TRPM3: variants seen among roughly 807,000 people sequenced by gnomAD.
TRPM3 encodes long transient receptor potential channel 3.
TRPM3 carries 77 observed loss-of-function variants against 181.2 expected under a neutral mutation model. That is an observed-to-expected ratio of 0.42 (90% CI 0.35 to 0.51). The LOEUF (loss-of-function observed/expected upper bound fraction) is 0.51, where lower values mean the gene tolerates loss of function less well. TRPM3 is among the 20% of genes least tolerant of loss of function. TRPM3 has a pLI of 0.01. For synonymous variants in TRPM3, 745 were observed against 796.4 expected (o/e 0.94, Z 1.09); for missense variants, 1,759 against 2,196.7 (o/e 0.80, Z 3.98).
At chr9:71,282,944 T>G (rs2084966272) in intron 1 of TRPM3, among the ~76,000 whole-genome samples, 1 of 152,094 alleles carries the variant, frequency 6.6e-6, no homozygotes, top group African/African-American at 2.4e-5. Context: ...CAGTCTCACT[T>G]TTAGGCCTTC....
intron 1 of TRPM3, among the ~76,000 whole-genome samples, chr9:71,038,570 T>A (rs2058473811): frequency 6.6e-6 from 1 of 152,158 alleles, no homozygotes; most frequent in Non-Finnish European, 1.5e-5. Context: ...CTCCTTATCA[T>A]CTTCCCTTTC....
At chr9:71,038,112 T>G (rs1471691942) in intron 1 of TRPM3, among the ~76,000 whole-genome samples, 3 of 152,220 alleles carry the variant, frequency 2.0e-5, no homozygotes. Context: ...GAGTCTAAAG[T>G]GTTTTCAAAC....
At chr9:70,782,365 C>T (rs1340185350) in intron 7 of TRPM3, among the ~76,000 whole-genome samples, 1 of 152,148 alleles carries the variant, frequency 6.6e-6, no homozygotes, top group Non-Finnish European at 1.5e-5. Flanking sequence ...GCACATGCCA[C>T]CACACCTGGC....
At chr9:71,359,686 A>T (rs1326338308) in intron 1 of TRPM3, among the ~76,000 whole-genome samples, 1 of 152,024 alleles carries the variant, frequency 6.6e-6, no homozygotes, top group Non-Finnish European at 1.5e-5. Flanking sequence ...TAGGATTTTA[A>T]TATGTCCCTA....
intron 1 of TRPM3, among the ~76,000 whole-genome samples, chr9:71,325,950 C>T (rs192984420): frequency 2.8e-3 from 431 of 152,268 alleles, no homozygotes; most frequent in African/African-American, 9.9e-3. Flanking sequence ...GAATCTAGGA[C>T]TATCATTTCA....
At chr9:71,428,991 A>G (rs2093917114) in intron 1 of TRPM3, among the ~76,000 whole-genome samples, 1 of 151,150 alleles carries the variant, frequency 6.6e-6, no homozygotes, top group Admixed American at 6.6e-5. Flanking sequence ...TTATCTAGAT[A>G]TAAAGAGCAT....
intron 21 of TRPM3, among the ~76,000 whole-genome samples, chr9:70,596,300 G>A (rs2059008819): frequency 6.6e-6 from 1 of 152,162 alleles, no homozygotes; most frequent in African/African-American, 2.4e-5. Context: ...CTTTGCATGA[G>A]TTTGTTAGTG....
chr9:70,587,985 A>G (rs1307582827), intron 22 of TRPM3, among the ~76,000 whole-genome samples: 1 of 152,082 alleles, frequency 6.6e-6, no homozygotes, highest in African/African-American at 2.4e-5. Flanking sequence ...TTCCAATCAC[A>G]TTCTCTCACT....
chr9:71,168,562 TTA>T (rs1423659441), intron 1 of TRPM3, among the ~76,000 whole-genome samples: 7 of 81,690 alleles, frequency 8.6e-5, no homozygotes, highest in South Asian at 3.6e-4. Context: ...ATTTATTTAT[TTA>T]TTTATTTATT....
intron 1 of TRPM3, among the ~76,000 whole-genome samples, chr9:70,883,794 A>G (rs2096038920): frequency 6.6e-6 from 1 of 152,200 alleles, no homozygotes; most frequent in Non-Finnish European, 1.5e-5. Flanking sequence ...AGTTCACACC[A>G]CTAGTAACTG....
chr9:70,753,421 A>G (rs2076529906), intron 8 of TRPM3, among the ~76,000 whole-genome samples: 1 of 152,138 alleles, frequency 6.6e-6, no homozygotes, highest in Non-Finnish European at 1.5e-5. Context: ...GAGCCTATTG[A>G]CTAGAGATAA....
At chr9:70,942,972 AGGTTTCCTAACTGG>A (rs1260029921) in intron 1 of TRPM3, among the ~76,000 whole-genome samples, 1 of 152,090 alleles carries the variant, frequency 6.6e-6, no homozygotes, top group African/African-American at 2.4e-5. Context: ...CCATCAAGAA[AGGTTTCCTAACTGG>A]GGTCCTGTGG....
chr9:71,168,867 G>A (rs1420010467), intron 1 of TRPM3, among the ~76,000 whole-genome samples: 1 of 151,998 alleles, frequency 6.6e-6, no homozygotes, highest in African/African-American at 2.4e-5. Flanking sequence ...TGATATGTAA[G>A]AATATAGTTC....
intron 1 of TRPM3, among the ~76,000 whole-genome samples, chr9:71,056,146 T>C (rs1223930714): frequency 4.6e-5 from 7 of 151,966 alleles, no homozygotes; most frequent in Non-Finnish European, 1.0e-4. Context: ...TAAAGCAGTA[T>C]CAAAACAACA....
At chr9:70,779,218 A>T (rs1051557598) in intron 7 of TRPM3, among the ~76,000 whole-genome samples, 37 of 152,104 alleles carry the variant, frequency 2.4e-4, no homozygotes, top group Non-Finnish European at 1.8e-4. Flanking sequence ...ACACACAAAA[A>T]CGTGAACAGT....
intron 6 of TRPM3, among the ~76,000 whole-genome samples, chr9:70,817,266 C>T (rs1399935511): frequency 6.6e-6 from 1 of 152,196 alleles, no homozygotes; most frequent in Non-Finnish European, 1.5e-5. Flanking sequence ...GACTTCCTCA[C>T]TGTGCCTTCG....
intron 1 of TRPM3, among the ~76,000 whole-genome samples, chr9:71,361,826 T>C (rs2092158506): frequency 6.6e-6 from 1 of 152,196 alleles, no homozygotes; most frequent in African/African-American, 2.4e-5. Flanking sequence ...CTGGATTTAT[T>C]ACAAGACTGA....
intron 1 of TRPM3, among the ~76,000 whole-genome samples, chr9:70,885,856 C>T (rs925891135): frequency 1.3e-5 from 2 of 152,168 alleles, no homozygotes; most frequent in South Asian, 2.1e-4. Context: ...AAGGACCAGA[C>T]CCTATTTCTG....
Position 70,741,803 on chromosome 9 carries a change from C to T in TRPM3, c.1272+19798G>A, listed in dbSNP as rs117510718. Among the ~76,000 whole-genome samples, 955 of 152,108 alleles carry T rather than the reference C, an allele frequency of 6.3e-3. 13 individuals carry two copies. Among genetic ancestry groups the T allele is most frequent in the Non-Finnish European group, 0.011 (719 of 68,006 alleles). On this transcript the variant is annotated intron_variant, in intron 8 of 25. Transcript: ENST00000677713. Reference sequence around the variant, plus strand: ...ATGCAAAAACGTAAGAATGATACAACGGACTTTGGGTACTTGGGGAAAGGG... The same window carrying T: ...ATGCAAAAACGTAAGAATGATACAATGGACTTTGGGTACTTGGGGAAAGGG...
Sources: gnomAD v4.1 joint callset for allele counts (sites outside exome capture counted in the v4.1 genomes callset) on GRCh38, gnomAD v4.1.1 for gene constraint, MANE v1.5 for transcripts, NCBI Gene and HGNC (gene_info 2026-07-23, HGNC 2026-07-21) for gene names.